Variants in IL13RA1 observed in about 807,000 individuals in gnomAD.
IL13RA1 encodes the protein interleukin 13 receptor subunit alpha 1.
A neutral mutation model predicts 33.8 loss-of-function variants in IL13RA1; 14 were observed. That is an observed-to-expected ratio of 0.41 (90% confidence interval 0.27 to 0.65). The LOEUF (loss-of-function observed/expected upper bound fraction) is 0.65. Among genes scored for constraint, IL13RA1 ranks in the 30% least tolerant of loss-of-function variants. IL13RA1 has a pLI of 0.28. For synonymous variants in IL13RA1, 116 were observed against 115.7 expected, an observed-to-expected ratio of 1.00 and a Z score of -0.02; for missense variants, 313 against 327.0, an observed-to-expected ratio of 0.96 and a Z score of 0.33.
At chrX:118,754,711 C>T (rs753904308) in intron 4 of IL13RA1, among the ~76,000 whole-genome samples, 13 of 109,792 alleles carry the variant, frequency 1.2e-4, no homozygotes, top group South Asian at 1.2e-3. Flanking sequence ...CAGTACACAG[C>T]GCTGGCCTCT....
chrX:118,792,035 G>A lies in IL13RA1; in HGVS notation c.*181G>A, dbSNP rs147896756. On this transcript the variant is annotated 3_prime_UTR_variant, in exon 11 of 11. Transcript: ENST00000371666. ...CACCGAAAAACTAAAAATAATGGGC[G>A]CTTTGGAGAAGAGTGTGGAGTCATT... 510 of 315,487 alleles carry A rather than the reference G, an allele frequency of 1.6e-3. 5 individuals carry two copies. In the East Asian group the frequency reaches 0.018, roughly 11 times the overall value. The allele number at this position is 315,487 out of a possible 1,213,427, so 26.0% of individuals were successfully genotyped here.
chrX:118,787,327 A>G (rs2017930145), intron 10 of IL13RA1, among the ~76,000 whole-genome samples: 1 of 111,106 alleles, frequency 9.0e-6, no homozygotes, highest in African/African-American at 3.3e-5. Context: ...TTTATTAGCA[A>G]TTTTCAAAGG....
At chrX:118,753,429 C>A (rs186551909) in intron 4 of IL13RA1, among the ~76,000 whole-genome samples, 385 of 112,707 alleles carry the variant, frequency 3.4e-3, no homozygotes, top group Non-Finnish European at 6.3e-3. Context: ...CAGTTGATGT[C>A]TTTTTGCAGG....
chrX:118,745,850 CG>C (rs958183815), intron 2 of IL13RA1, among the ~76,000 whole-genome samples: 2 of 111,325 alleles, frequency 1.8e-5, no homozygotes, highest in African/African-American at 3.3e-5. Flanking sequence ...GTTAATTTCC[CG>C]GAGAGCCCAT....
At chrX:118,781,507 A>G (rs2017843099) in intron 10 of IL13RA1, among the ~76,000 whole-genome samples, 1 of 111,037 alleles carries the variant, frequency 9.0e-6, no homozygotes, top group African/African-American at 3.3e-5. Flanking sequence ...TGGTGCCACC[A>G]TGCCTGGCTA....
intron 1 of IL13RA1, among the ~76,000 whole-genome samples, chrX:118,732,398 TTA>T (rs34258619): frequency 0.17 from 17,951 of 106,992 alleles, 1,449 homozygotes; most frequent in East Asian, 0.41. Context: ...TTTTTTAAAT[TTA>T]TATATATATA....
intron 2 of IL13RA1, among the ~76,000 whole-genome samples, chrX:118,742,819 G>A (rs1234352634): frequency 1.8e-5 from 2 of 111,269 alleles, no homozygotes; most frequent in Middle Eastern, 4.6e-3. Flanking sequence ...GATGAGGTTT[G>A]TAATGCACCT....
At chrX:118,788,012 GT>G (rs1373102794) in intron 10 of IL13RA1, among the ~76,000 whole-genome samples, 1 of 111,939 alleles carries the variant, frequency 8.9e-6, no homozygotes, top group Non-Finnish European at 1.9e-5. Context: ...GGCATAGGAA[GT>G]TATAAGAGTA....
At chrX:118,750,446 C>T (rs892241818) in intron 4 of IL13RA1, among the ~76,000 whole-genome samples, 3 of 110,317 alleles carry the variant, frequency 2.7e-5, no homozygotes, top group Non-Finnish European at 3.8e-5. Context: ...TTGTATATCA[C>T]GAGGCCACTC....
chrX:118,772,269 G>A (rs2017730988), intron 8 of IL13RA1, among the ~76,000 whole-genome samples: 2 of 112,763 alleles, frequency 1.8e-5, no homozygotes, highest in Admixed American at 1.9e-4. Context: ...GTGTGTGGGT[G>A]TGTGCGTGCG....
At chrX:118,771,116 C>T (rs773479738) in intron 8 of IL13RA1, among the ~76,000 whole-genome samples, 31 of 111,927 alleles carry the variant, frequency 2.8e-4, no homozygotes, top group Admixed American at 1.9e-4. Flanking sequence ...GCTGAGATGC[C>T]ATGTTAGGTT....
chrX:118,743,567 A>G (rs1290236826), intron 2 of IL13RA1, among the ~76,000 whole-genome samples: 3 of 112,043 alleles, frequency 2.7e-5, no homozygotes, highest in Non-Finnish European at 3.8e-5. Context: ...GGCAAGTCCC[A>G]TTAGGCAAAC....
chrX:118,802,896 C>G, the IL13RA1 span, among the ~76,000 whole-genome samples: 1 of 111,645 alleles, frequency 9.0e-6, no homozygotes, highest in African/African-American at 3.3e-5. Context: ...AGCTCCACCC[C>G]ACTATCCCCC....
chrX:118,801,566 G>A, the IL13RA1 span, among the ~76,000 whole-genome samples: 1 of 111,330 alleles, frequency 9.0e-6, no homozygotes. Flanking sequence ...TTGTCTTTTG[G>A]TTCTGCTTTT....
downstream of IL13RA1, among the ~76,000 whole-genome samples, chrX:118,795,118 G>A (rs922066623): frequency 1.9e-5 from 2 of 106,056 alleles, no homozygotes; most frequent in Non-Finnish European, 3.9e-5. Flanking sequence ...AGCTACTCAG[G>A]AGGCTGAGGC....
chrX:118,732,873 A>G (rs1357952891), intron 1 of IL13RA1, among the ~76,000 whole-genome samples: 1 of 111,756 alleles, frequency 8.9e-6, no homozygotes, highest in East Asian at 2.8e-4. Flanking sequence ...ATACGTGTGC[A>G]TGTGTCTTTA....
chrX:118,775,779 A>T (rs969321701), intron 9 of IL13RA1, among the ~76,000 whole-genome samples: 26 of 111,296 alleles, frequency 2.3e-4, no homozygotes, highest in African/African-American at 7.2e-4. Flanking sequence ...TAAGGACTTC[A>T]GTTTTGCATA....
At chrX:118,791,586 T>G (rs1416627425) in intron 10 of IL13RA1, among the ~76,000 whole-genome samples, 176 bp from the exon 11 acceptor site, 1 of 106,974 alleles carries the variant, frequency 9.3e-6, no homozygotes, top group East Asian at 2.9e-4. Context: ...TTGTTCTGTT[T>G]CATTAATCAT....
At chrX:118,741,556 A>G (rs1178174709) in intron 2 of IL13RA1, among the ~76,000 whole-genome samples, 1 of 111,838 alleles carries the variant, frequency 8.9e-6, no homozygotes, top group African/African-American at 3.2e-5. Flanking sequence ...ATGTACAGGC[A>G]CTATGTGGTG....
Sources: allele counts gnomAD v4.1 joint callset (sites outside exome capture counted in the v4.1 genomes callset), GRCh38; gene constraint gnomAD v4.1.1; transcripts MANE v1.5; gene names NCBI Gene and HGNC (gene_info 2026-07-23, HGNC 2026-07-21).